RPS6KA5: variants seen among roughly 807,000 people sequenced by gnomAD.
RPS6KA5 encodes ribosomal protein S6 kinase A5, also known as ribosomal protein S6 kinase alpha-5.
Under a neutral mutation model 85.5 loss-of-function variants are expected in RPS6KA5, and 27 were observed. That is an observed-to-expected ratio of 0.32 (90% CI 0.23 to 0.44). RPS6KA5 has a LOEUF of 0.44. Among genes scored for constraint, RPS6KA5 ranks in the 20% least tolerant of loss-of-function variants. The probability of loss-of-function intolerance (pLI) is 1.00; values close to 1 mark genes in which losing one functional copy is unlikely to be tolerated. For missense variants in RPS6KA5, 811 were observed against 980.9 expected (o/e 0.83, Z 2.31); for synonymous variants, 334 against 348.2 (o/e 0.96, Z 0.46).
chr14:91,055,394 G>GCATAAACAATGCATAAACAAA (rs2043272453), intron 1 of RPS6KA5, among the ~76,000 whole-genome samples: 1 of 152,150 alleles, frequency 6.6e-6, no homozygotes, highest in African/African-American at 2.4e-5. Context: ...TCAAACAAGT[G>GCATAAACAATGCATAAACAAA]GTGAATGCAT....
At chr14:90,938,771 G>A (rs1408306291) in intron 5 of RPS6KA5, among the ~76,000 whole-genome samples, 2 of 152,140 alleles carry the variant, frequency 1.3e-5, no homozygotes, top group Non-Finnish European at 2.9e-5. Flanking sequence ...TCCCTAGACT[G>A]CACACAGCAG....
At position 90,975,336 on chromosome 14, in the gene RPS6KA5, G is replaced by A. The variant is rs74794238; in HGVS notation, c.394+2970C>T. 3.0e-4 allele frequency among the ~76,000 whole-genome samples: 45 copies of A among 152,322 alleles called. No individual in the cohort carries two copies. In the East Asian group the frequency reaches 7.9e-3, roughly 27 times the overall value. On this transcript the variant is annotated intron_variant, in intron 3 of 16. Transcript: ENST00000614987. ...CAATAAACCTTTTGGGACTGTTACA[G>A]GCTGAACTGTATCTTCCCAAAACTC...
chr14:91,009,120 G>A (rs2041153282), intron 1 of RPS6KA5, among the ~76,000 whole-genome samples: 1 of 152,158 alleles, frequency 6.6e-6, no homozygotes, highest in Non-Finnish European at 1.5e-5. Flanking sequence ...CCCTGCTATG[G>A]TGTGAATGTT....
At chr14:90,970,317 C>T (rs1197004712) in intron 3 of RPS6KA5, among the ~76,000 whole-genome samples, 1 of 152,172 alleles carries the variant, frequency 6.6e-6, no homozygotes, top group Admixed American at 6.5e-5. Context: ...ATATCATGAA[C>T]CATTCTGTTA....
chr14:90,962,873 C>T (rs916089463), intron 3 of RPS6KA5, among the ~76,000 whole-genome samples: 1 of 152,148 alleles, frequency 6.6e-6, no homozygotes, highest in Non-Finnish European at 1.5e-5. Flanking sequence ...TATCGTGCTC[C>T]TCTACTCCTA....
intron 3 of RPS6KA5, among the ~76,000 whole-genome samples, chr14:90,949,052 G>T (rs1331234993): frequency 6.6e-6 from 1 of 152,090 alleles, no homozygotes; most frequent in Non-Finnish European, 1.5e-5. Context: ...CCCTTCTCAG[G>T]CTTCTGTATT....
At chr14:91,001,000 T>C in intron 2 of RPS6KA5, 88 bp downstream of exon 2, 1 of 720,050 alleles carries the variant, frequency 1.4e-6, no homozygotes, top group Non-Finnish European at 2.3e-6. Context: ...TTTTAAATTT[T>C]AATTTCTGTA....
intron 1 of RPS6KA5, among the ~76,000 whole-genome samples, chr14:91,052,707 C>A (rs2043139242): frequency 6.6e-6 from 1 of 151,062 alleles, no homozygotes; most frequent in Non-Finnish European, 1.5e-5. Flanking sequence ...GTGGCAGGTG[C>A]CTGTAGTCCC....
At chr14:90,985,241 C>A (rs1447221680) in intron 2 of RPS6KA5, among the ~76,000 whole-genome samples, 2 of 152,180 alleles carry the variant, frequency 1.3e-5, no homozygotes, top group African/African-American at 4.8e-5. Context: ...CTGCGCCCGG[C>A]CGCCTTTAAT....
intron 6 of RPS6KA5, among the ~76,000 whole-genome samples, chr14:90,920,654 T>C (rs1486904547): frequency 6.6e-6 from 1 of 151,614 alleles, no homozygotes; most frequent in Non-Finnish European, 1.5e-5. Flanking sequence ...GTGAGCCTTA[T>C]GAAATGTCTA....
intron 1 of RPS6KA5, among the ~76,000 whole-genome samples, chr14:91,033,652 T>G (rs528349585): frequency 1.3e-5 from 2 of 152,194 alleles, no homozygotes; most frequent in Admixed American, 6.5e-5. Flanking sequence ...AACAACCAGA[T>G]TACTTACACA....
At chr14:91,033,293 T>C (rs1169755004) in intron 1 of RPS6KA5, among the ~76,000 whole-genome samples, 2 of 151,954 alleles carry the variant, frequency 1.3e-5, no homozygotes, top group Non-Finnish European at 2.9e-5. Context: ...CCCTATCAGA[T>C]TGGAAAAGAT....
rs1199808809 is a variant in RPS6KA5, at chr14:90,936,266, A to G, written c.618+6812T>C. Among the ~76,000 whole-genome samples, 3 of 152,332 alleles carry G rather than the reference A, an allele frequency of 2.0e-5. No individual in the cohort carries two copies. The East Asian group carries it at 5.8e-4, about 29-fold the overall frequency. The stretch of plus-strand genomic sequence containing the variant: ...TATGTAGTCTAGGCTGCAAACCATT[A>G]TCCAGAAATAATTATATGGGCTGGG... On this transcript the variant is annotated intron_variant, in intron 5 of 16. Transcript: ENST00000614987.
intron 13 of RPS6KA5, among the ~76,000 whole-genome samples, chr14:90,893,160 T>C (rs1447119885): frequency 6.6e-6 from 1 of 152,188 alleles, no homozygotes; most frequent in Non-Finnish European, 1.5e-5. Flanking sequence ...TACATGCTTG[T>C]TCCTTGTCTA....
At chr14:91,025,383 A>G (rs1335087177) in intron 1 of RPS6KA5, among the ~76,000 whole-genome samples, 1 of 152,024 alleles carries the variant, frequency 6.6e-6, no homozygotes, top group African/African-American at 2.4e-5. Flanking sequence ...CCCTTTCTCC[A>G]CTATTCCATA....
chr14:90,983,581 A>C (rs11847586), intron 2 of RPS6KA5, among the ~76,000 whole-genome samples: 2,685 of 151,868 alleles, frequency 0.018, 62 homozygotes, highest in African/African-American at 0.063. Context: ...AGCCTGGGCA[A>C]CAGGGCAAAA....
intron 8 of RPS6KA5, among the ~76,000 whole-genome samples, chr14:90,905,165 CTTTT>C (rs991153514): frequency 6.6e-6 from 1 of 151,892 alleles, no homozygotes; most frequent in East Asian, 1.9e-4. Context: ...AGAAATATGC[CTTTT>C]TTTGAGCACA....
intron 3 of RPS6KA5, 81 bp from the exon 4 acceptor site, chr14:90,947,631 C>T (rs962812456): frequency 1.3e-6 from 1 of 764,020 alleles, no homozygotes; most frequent in Non-Finnish European, 2.2e-6. Context: ...ACTTTGGATT[C>T]ACCATAAGGC....
chr14:90,897,138 C>T lies in RPS6KA5; in HGVS notation c.1473+2191G>A, dbSNP rs148956613. Among the ~76,000 whole-genome samples, 32 of 152,274 alleles carry T rather than the reference C, an allele frequency of 2.1e-4. No homozygotes were observed. The East Asian group carries it at 3.9e-3, about 18-fold the overall frequency. The stretch of plus-strand genomic sequence containing the variant: ...AAGGAGTGCTGCAACTTTGATCCCT[C>T]GCCATGCGCAGTTCACAATAGAGTT... On this transcript the variant is annotated intron_variant, in intron 12 of 16. Coordinates refer to ENST00000614987, the MANE Select transcript of RPS6KA5 (RefSeq NM_004755.4).
Sources: allele counts gnomAD v4.1 joint callset (sites outside exome capture counted in the v4.1 genomes callset), GRCh38; gene constraint gnomAD v4.1.1; transcripts MANE v1.5; gene names NCBI Gene and HGNC (gene_info 2026-07-23, HGNC 2026-07-21).